SLC3A1: variants seen among roughly 807,000 people sequenced by gnomAD.
SLC3A1 encodes the protein solute carrier family 3 member 1.
A neutral mutation model predicts 60.3 loss-of-function variants in SLC3A1; 78 were observed. That is an observed-to-expected ratio of 1.29 (90% confidence interval 1.08 to 1.56). The LOEUF (loss-of-function observed/expected upper bound fraction) is 1.56, where lower values mean the gene tolerates loss of function less well. Among genes scored for constraint, SLC3A1 ranks in the 40% most tolerant of loss-of-function variants. The pLI, the probability that SLC3A1 is intolerant of heterozygous loss-of-function variation, is 0.00. For missense variants in SLC3A1, 1,172 were observed against 858.9 expected, an observed-to-expected ratio of 1.36 and a Z score of -4.56; for synonymous variants, 392 against 307.9, an observed-to-expected ratio of 1.27 and a Z score of -2.86.
intron 4 of SLC3A1, 101 bp downstream of exon 4, chr2:44,286,258 C>G: frequency 8.7e-7 from 1 of 1,146,714 alleles, no homozygotes; most frequent in Non-Finnish European, 1.3e-6. Context: ...AAAATCAAGT[C>G]TTTAATTATT....
At chr2:44,305,592 TAA>T (rs1672134932) in intron 7 of SLC3A1, among the ~76,000 whole-genome samples, 1 of 151,904 alleles carries the variant, frequency 6.6e-6, no homozygotes, top group Admixed American at 6.6e-5. Context: ...CATGCCTGGC[TAA>T]TTTTTTTATT....
At position 44,320,467 on chromosome 2, in the gene SLC3A1, AAGGC is replaced by A; in HGVS notation, c.1889_1892del (p.Gly630ValfsTer48). ...AGGTTAAGTACCAATTCTGCCGACA[AAGGC>A]AGTAAAGTTGATACAAGTGGCATTT... is the stretch of plus-strand genomic sequence containing the variant. On this transcript the variant is annotated frameshift_variant, in exon 10 of 10. Coordinates refer to ENST00000260649, the MANE Select transcript of SLC3A1 (RefSeq NM_000341.4). LOFTEE classifies it low-confidence loss of function (END_TRUNC). 1 of 1,614,166 alleles carries A rather than the reference AAGGC, an allele frequency of 6.2e-7. No individual in the cohort carries two copies. Among genetic ancestry groups the A allele is most frequent in the Non-Finnish European group, 8.5e-7 (1 of 1,179,984 alleles).
At chr2:44,278,839 G>C (rs1275668765) in intron 1 of SLC3A1, among the ~76,000 whole-genome samples, 1 of 152,058 alleles carries the variant, frequency 6.6e-6, no homozygotes, top group Non-Finnish European at 1.5e-5. Context: ...TCCAAATTTA[G>C]CAAGTTCAAA....
intron 9 of SLC3A1, chr2:44,318,055 T>C: frequency 2.3e-6 from 1 of 427,812 alleles, no homozygotes; most frequent in Non-Finnish European, 4.6e-6. Flanking sequence ...TTAGAAATAT[T>C]TGCACATGTG....
Position 44,286,131 on chromosome 2 carries a change from A to G in SLC3A1, c.865A>G (p.Asn289Asp). The change falls in exon 4 of 10, where the codon AAT (asparagine) becomes GAT (aspartate). Residue 289 changes from asparagine (N) to aspartate (D), a missense_variant. By Grantham distance (23) the Asn-to-Asp change is conservative. Coordinates refer to ENST00000260649, the MANE Select transcript of SLC3A1 (RefSeq NM_000341.4). ...AGAGCAACCTGATTTAAATTTCCGC[A>G]ATCCTGATGTTCAAGAAGAAATAAA... ...MKEQPDLNFR[N>D]PDVQEEIKEI... 6.2e-7 allele frequency: 1 copy of G among 1,614,066 alleles called. No individual in the cohort carries two copies. The highest frequency in any genetic ancestry group is 8.5e-7 in the Non-Finnish European group (1 of 1,179,938).
At chr2:44,314,184 T>G (rs1672367684) in intron 9 of SLC3A1, 8 of 1,049,884 alleles carry the variant, frequency 7.6e-6, no homozygotes, top group African/African-American at 1.6e-5. Flanking sequence ...TATACAAGTC[T>G]TCATTGCAAT....
At position 44,313,840 on chromosome 2, in the gene SLC3A1, C is replaced by A; in HGVS notation, c.1506C>A (p.Thr502=). 6.2e-7 allele frequency: 1 copy of A among 1,612,766 alleles called. No homozygotes were observed. Among genetic ancestry groups the A allele is most frequent in the Non-Finnish European group, 8.5e-7 (1 of 1,178,792 alleles). ...TTTCTGGTCTTTTGACATAGAATACCCTTCGCTCAAAGTCACCAATGCAGT... is the reference window on the plus strand; with the variant it reads ...TTTCTGGTCTTTTGACATAGAATACACTTCGCTCAAAGTCACCAATGCAGT... ...ANLNESYDIN[T]LRSKSPMQWD... The change falls in exon 9 of 10, where the codon ACC becomes ACA. Residue 502 remains threonine (T), a synonymous_variant. Transcript: ENST00000260649.
intron 7 of SLC3A1, among the ~76,000 whole-genome samples, chr2:44,311,835 G>T (rs1437259347): frequency 6.6e-6 from 1 of 151,944 alleles, no homozygotes; most frequent in Non-Finnish European, 1.5e-5. Flanking sequence ...AATAAATGAT[G>T]TAATTTCTCA....
rs188818041 is a variant in SLC3A1, at chr2:44,317,953, G to C, written c.1618-2246G>C. The C allele has an allele frequency of 1.5e-4, 40 of 262,252 alleles. No individual in the cohort carries two copies. The East Asian group carries it at 5.3e-3, about 34-fold the overall frequency. The allele number at this position is 262,252 out of a possible 1,614,324, so 16.2% of individuals were successfully genotyped here. ...CACAAAGAATTAAAATGAAGATATA[G>C]CAAGCAAATAATAGAAAGCTTGCAA... On this transcript the variant is annotated intron_variant, in intron 9 of 9. Transcript: ENST00000260649.
In SLC3A1 at chr2:44,321,120, T is replaced by C. The variant is rs1572833642; in HGVS notation, c.*481T>C. On this transcript the variant is annotated 3_prime_UTR_variant, in exon 10 of 10. Transcript: ENST00000260649. ...CTTCCCTTCCCTCTACTCCACATCC[T>C]TCTAAGGAGCATGATTTGAAAATTA... is the stretch of plus-strand genomic sequence containing the variant. The C allele has an allele frequency of 2.0e-6, 1 of 495,342 alleles. No homozygotes were observed. The highest frequency in any genetic ancestry group is 3.7e-6 in the Non-Finnish European group (1 of 273,418). The allele number at this position is 495,342 out of a possible 1,614,324, so 30.7% of individuals were successfully genotyped here. A position where few individuals can be genotyped will look rare whatever the true frequency, so the allele number is the denominator to read the frequency against.
At position 44,321,021 on chromosome 2, in the gene SLC3A1, G is replaced by A. The variant is rs1672895722; in HGVS notation, c.*382G>A. 1 of 385,346 alleles carries A rather than the reference G, an allele frequency of 2.6e-6. No homozygotes were observed. Among genetic ancestry groups the A allele is most frequent in the South Asian group, 2.9e-5 (1 of 34,916 alleles). The allele number at this position is 385,346 out of a possible 1,614,324, so 23.9% of individuals were successfully genotyped here. ...GTCTAAAAGCATTTGCTAGCAAAGA[G>A]GCAGGACACTAATTTGTAAACTGCT... On this transcript the variant is annotated 3_prime_UTR_variant, in exon 10 of 10. Coordinates refer to ENST00000260649, the MANE Select transcript of SLC3A1 (RefSeq NM_000341.4).
intron 4 of SLC3A1, among the ~76,000 whole-genome samples, chr2:44,294,634 G>C (rs893060013): frequency 6.6e-6 from 1 of 152,158 alleles, no homozygotes; most frequent in Non-Finnish European, 1.5e-5. Context: ...GATGCCCTAT[G>C]TCATGCAGCT....
intron 1 of SLC3A1, among the ~76,000 whole-genome samples, 173 bp downstream of exon 1, chr2:44,276,138 C>G (rs1671337474): frequency 6.6e-6 from 1 of 152,188 alleles, no homozygotes; most frequent in African/African-American, 2.4e-5. Context: ...TCAGCAGAAC[C>G]CAGCAGTTAT....
At chr2:44,318,240 G>A (rs189301854) in intron 9 of SLC3A1, 50 of 336,884 alleles carry the variant, frequency 1.5e-4, no homozygotes, top group Middle Eastern at 6.9e-4. Flanking sequence ...ACAGGTGCAC[G>A]TCATTATGCC....
At chr2:44,283,487 C>T (rs1443952873) in intron 3 of SLC3A1, among the ~76,000 whole-genome samples, 1 of 152,178 alleles carries the variant, frequency 6.6e-6, no homozygotes, top group African/African-American at 2.4e-5. Flanking sequence ...TGGTGTAATT[C>T]CTGTTTTGCA....
At chr2:44,309,888 G>A (rs1307677656) in intron 7 of SLC3A1, among the ~76,000 whole-genome samples, 1 of 151,640 alleles carries the variant, frequency 6.6e-6, no homozygotes, top group Non-Finnish European at 1.5e-5. Flanking sequence ...ATAAGCCACT[G>A]TGCCCAGGCT....
intron 4 of SLC3A1, among the ~76,000 whole-genome samples, chr2:44,296,171 T>A (rs1383596231): frequency 6.6e-6 from 1 of 152,198 alleles, no homozygotes; most frequent in Non-Finnish European, 1.5e-5. Flanking sequence ...TGAATGGCTG[T>A]CACTTCCTGT....
chr2:44,310,785 C>T (rs930001965), intron 7 of SLC3A1, among the ~76,000 whole-genome samples: 13 of 151,662 alleles, frequency 8.6e-5, no homozygotes, highest in South Asian at 4.2e-4. Context: ...GATAGTATCC[C>T]ACAGGTCTCT....
intron 6 of SLC3A1, among the ~76,000 whole-genome samples, chr2:44,303,302 GGCATGAT>G (rs1278847027): frequency 6.7e-6 from 1 of 148,200 alleles, no homozygotes; most frequent in East Asian, 2.0e-4. Context: ...GGAGTGTGGT[GGCATGAT>G]CTCATCTCAC....
Sources: allele counts gnomAD v4.1 joint callset (sites outside exome capture counted in the v4.1 genomes callset), GRCh38; gene constraint gnomAD v4.1.1; transcripts MANE v1.5; gene names NCBI Gene and HGNC (gene_info 2026-07-23, HGNC 2026-07-21).